Variants in JPH2 observed in about 807,000 individuals in gnomAD.
JPH2 encodes junctophilin-2.
Under a neutral mutation model 55.9 loss-of-function variants are expected in JPH2, and 38 were observed. The ratio of observed to expected loss-of-function variants is 0.68; its 90% confidence interval spans 0.52 to 0.89. The LOEUF is 0.89. Among genes scored for constraint, JPH2 ranks in the 40% least tolerant of loss-of-function variants. JPH2 has a pLI of 0.00. For synonymous variants in JPH2, 480 were observed against 472.4 expected (o/e 1.02, Z -0.21); for missense variants, 964 against 1,037.6 (o/e 0.93, Z 0.97).
intron 1 of JPH2, chr20:44,177,397 A>C: frequency 1.0e-6 from 1 of 987,718 alleles, no homozygotes; most frequent in South Asian, 4.7e-5. Context: ...AAGCTCGATG[A>C]ATCCCAGAAG....
At position 44,111,381 on chromosome 20, in the gene JPH2, CTG is replaced by C. The variant is rs1460382601; in HGVS notation, c.*2135_*2136del. On this transcript the variant is annotated 3_prime_UTR_variant, in exon 6 of 6. Coordinates refer to ENST00000372980, the MANE Select transcript of JPH2 (RefSeq NM_020433.5). Reference sequence around the variant, plus strand: ...TATCCCCATTTTATAGATGAGAAAACTGAGGCTCAGAGAAGCGAAGAAAGTGG... The same window carrying C: ...TATCCCCATTTTATAGATGAGAAAACAGGCTCAGAGAAGCGAAGAAAGTGG... 1.3e-5 allele frequency among the ~76,000 whole-genome samples: 2 copies of C among 152,204 alleles called. No homozygotes were observed. Among genetic ancestry groups the C allele is most frequent in the Non-Finnish European group, 2.9e-5 (2 of 68,042 alleles).
chr20:44,155,607 T>C (rs1005731370), intron 2 of JPH2, among the ~76,000 whole-genome samples: 2 of 151,968 alleles, frequency 1.3e-5, no homozygotes, highest in Admixed American at 6.6e-5. Flanking sequence ...AAAGAGGAAA[T>C]AGTAACTGTA....
intron 2 of JPH2, among the ~76,000 whole-genome samples, chr20:44,158,738 T>C (rs760306730): frequency 7.2e-5 from 11 of 151,940 alleles, no homozygotes; most frequent in Non-Finnish European, 1.5e-4. Flanking sequence ...AGAAGTTTGG[T>C]TGAGTGATAG....
At chr20:44,177,565 A>G in intron 1 of JPH2, 2 of 1,150,156 alleles carry the variant, frequency 1.7e-6, no homozygotes, top group Non-Finnish European at 2.2e-6. Flanking sequence ...AATGCCCAGA[A>G]GCTGCCAAGA....
intron 2 of JPH2, among the ~76,000 whole-genome samples, chr20:44,131,416 A>ACTG (rs59072988): frequency 3.3e-5 from 5 of 151,984 alleles, no homozygotes; most frequent in East Asian, 1.9e-4. Flanking sequence ...GGACTCAGCT[A>ACTG]TACCCTGATA....
rs200272307 is a variant in JPH2, at chr20:44,159,659, G to A, written c.1128C>T (p.Ala376=). 30 of 1,609,752 alleles carry A rather than the reference G, an allele frequency of 1.9e-5. No individual in the cohort carries two copies. The East Asian group carries it at 3.6e-4, about 19-fold the overall frequency. The change falls in exon 2 of 6, where the codon GCC becomes GCT. Residue 376 remains alanine, a synonymous_variant. Coordinates refer to ENST00000372980, the MANE Select transcript of JPH2 (RefSeq NM_020433.5). This position sits in a 1 kb window ranked among gnomAD's most constrained non-coding sequence, Gnocchi z 5.7. ...VEHSVEGAQR[A]AAIARQKAEI... ...CGGCCTTCTGGCGCGCGATAGCAGCGGCGCGCTGGGCACCCTCCACACTGT... is the reference window on the plus strand; with the variant it reads ...CGGCCTTCTGGCGCGCGATAGCAGCAGCGCGCTGGGCACCCTCCACACTGT...
At chr20:44,124,420 T>C (rs1223600923) in intron 2 of JPH2, among the ~76,000 whole-genome samples, 2 of 152,180 alleles carry the variant, frequency 1.3e-5, no homozygotes, top group African/African-American at 4.8e-5. Context: ...CCCACCTGTA[T>C]GTATTGGTTC....
intron 1 of JPH2, among the ~76,000 whole-genome samples, chr20:44,172,383 A>C (rs2072705151): frequency 6.6e-6 from 1 of 152,206 alleles, no homozygotes; most frequent in African/African-American, 2.4e-5. Context: ...GTCAGTTTCC[A>C]CTGTGTAAAT....
chr20:44,149,336 T>C (rs939054444), intron 2 of JPH2, among the ~76,000 whole-genome samples: 16 of 152,254 alleles, frequency 1.1e-4, no homozygotes, highest in Non-Finnish European at 4.4e-5. Flanking sequence ...GGTGTGGTCA[T>C]ACACATTTGG....
chr20:44,168,818 A>G (rs1720341006), intron 1 of JPH2, among the ~76,000 whole-genome samples: 1 of 152,222 alleles, frequency 6.6e-6, no homozygotes, highest in Non-Finnish European at 1.5e-5. Flanking sequence ...TCCAAACTTC[A>G]TGTTGAAATG....
intron 1 of JPH2, among the ~76,000 whole-genome samples, chr20:44,179,856 A>C (rs2072765779): frequency 1.3e-5 from 2 of 152,248 alleles, no homozygotes; most frequent in South Asian, 4.1e-4. Context: ...CATGATCTCC[A>C]TGTCAGTTTC....
In JPH2 at chr20:44,134,429, T is replaced by TTATAAATATA. The variant is rs2072373974; in HGVS notation, c.1170-15816_1170-15807dup. ...ATATATATAAATAAATATATATTTA[T>TTATAAATATA]TATAAATATATATAAATATATATTT... On this transcript the variant is annotated intron_variant, in intron 2 of 5. Coordinates refer to ENST00000372980, the MANE Select transcript of JPH2 (RefSeq NM_020433.5). Among the ~76,000 whole-genome samples the TTATAAATATA allele has an allele frequency of 6.0e-5, 2 of 33,198 alleles. 1 individual carries two copies. Among genetic ancestry groups the TTATAAATATA allele is most frequent in the Non-Finnish European group, 9.6e-5 (2 of 20,810 alleles). 21.8% of individuals were successfully genotyped at this position (33,198 alleles called of 152,430 possible).
At chr20:44,124,802 A>G (rs2072263999) in intron 2 of JPH2, among the ~76,000 whole-genome samples, 1 of 149,392 alleles carries the variant, frequency 6.7e-6, no homozygotes, top group Non-Finnish European at 1.5e-5. Context: ...ATATATTTGA[A>G]TGGTTAGAAA....
intron 2 of JPH2, among the ~76,000 whole-genome samples, chr20:44,132,351 G>GACACAC (rs1491055196): frequency 8.9e-5 from 6 of 67,430 alleles, no homozygotes; most frequent in East Asian, 3.6e-4. Context: ...GAGGCAGACA[G>GACACAC]ACAGACACAC....
chr20:44,147,875 C>T (rs558649286), intron 2 of JPH2, among the ~76,000 whole-genome samples: 1 of 152,250 alleles, frequency 6.6e-6, no homozygotes, highest in African/African-American at 2.4e-5. Flanking sequence ...TTAAAAACAA[C>T]ACAAGGGCCG....
rs58088590 is a variant in JPH2, at chr20:44,176,318, C to CTTTTTT, written c.379+10003_379+10008dup. Among the ~76,000 whole-genome samples, 4 of 113,662 alleles carry CTTTTTT rather than the reference C, an allele frequency of 3.5e-5. 1 individual carries two copies. The highest frequency in any genetic ancestry group is 3.5e-5 in the Non-Finnish European group (2 of 57,594). The allele number at this position is 113,662 out of a possible 152,430, so 74.6% of individuals were successfully genotyped here. The stretch of plus-strand genomic sequence containing the variant: ...ATCAAATGGGTCAGATCCTATCTGT[C>CTTTTTT]TTTTTTTTTTTTTTTTTTTTTTAGA... On this transcript the variant is annotated intron_variant, in intron 1 of 5. Transcript: ENST00000372980.
chr20:44,134,891 T>A (rs1438105457), intron 2 of JPH2, among the ~76,000 whole-genome samples: 2 of 65,932 alleles, frequency 3.0e-5, no homozygotes, highest in Non-Finnish European at 5.5e-5. Context: ...TATATATTAA[T>A]ATATATTTAT....
At chr20:44,165,027 G>T (rs2072646197) in intron 1 of JPH2, among the ~76,000 whole-genome samples, 1 of 151,946 alleles carries the variant, frequency 6.6e-6, no homozygotes, top group Non-Finnish European at 1.5e-5. Flanking sequence ...TAGTAGAGAT[G>T]GGGTTTCATC....
At chr20:44,161,936 C>T (rs896830004) in intron 1 of JPH2, among the ~76,000 whole-genome samples, 8 of 152,142 alleles carry the variant, frequency 5.3e-5, no homozygotes, top group African/African-American at 4.8e-5. Context: ...TGTGTTCCCT[C>T]AGATGGTACA....
Sources: allele counts gnomAD v4.1 joint callset (sites outside exome capture counted in the v4.1 genomes callset), GRCh38; gene constraint gnomAD v4.1.1; non-coding constraint Gnocchi (gnomAD v3.1); transcripts MANE v1.5; gene names NCBI Gene and HGNC (gene_info 2026-07-23, HGNC 2026-07-21).